SEMA3C: variants seen among roughly 807,000 people sequenced by gnomAD.
SEMA3C encodes the protein semaphorin 3C.
A neutral mutation model predicts 89.4 loss-of-function variants in SEMA3C; 47 were observed. That is an observed-to-expected ratio of 0.53 (90% CI 0.42 to 0.67). SEMA3C has a LOEUF of 0.67. SEMA3C is among the 30% of genes least tolerant of loss of function. SEMA3C has a pLI of 0.00. For missense variants in SEMA3C, 839 were observed against 929.1 expected (o/e 0.90, Z 1.26); for synonymous variants, 310 against 320.2 (o/e 0.97, Z 0.34).
chr7:80,792,264 T>C (rs965385489), intron 11 of SEMA3C, among the ~76,000 whole-genome samples: 1 of 152,160 alleles, frequency 6.6e-6, no homozygotes, highest in African/African-American at 2.4e-5. Flanking sequence ...GAATTATGGG[T>C]GTTTTCTAGC....
intron 2 of SEMA3C, among the ~76,000 whole-genome samples, chr7:80,902,180 T>C (rs1791897462): frequency 6.6e-6 from 1 of 152,202 alleles, no homozygotes; most frequent in Admixed American, 6.5e-5. Context: ...CTTGGACTCC[T>C]GGACTCAAGC....
intron 4 of SEMA3C, among the ~76,000 whole-genome samples, chr7:80,820,799 A>C (rs528438074): frequency 3.3e-5 from 5 of 152,314 alleles, no homozygotes; most frequent in African/African-American, 1.2e-4. Context: ...GTCTATGTAA[A>C]GGGAATCTAT....
chr7:80,826,354 T>G (rs1789873060), intron 4 of SEMA3C, among the ~76,000 whole-genome samples: 1 of 152,198 alleles, frequency 6.6e-6, no homozygotes, highest in South Asian at 2.1e-4. Context: ...AGGTGGTCTA[T>G]TACTTGTTAT....
intron 2 of SEMA3C, among the ~76,000 whole-genome samples, chr7:80,874,407 C>A (rs2116064655): frequency 6.6e-6 from 1 of 152,162 alleles, no homozygotes; most frequent in African/African-American, 2.4e-5. Flanking sequence ...AGGGTACGAC[C>A]TTTTCTATGT....
intron 11 of SEMA3C, 143 bp from the exon 12 acceptor site, chr7:80,789,671 A>C: frequency 1.6e-6 from 1 of 626,684 alleles, no homozygotes; most frequent in Admixed American, 3.0e-5. Context: ...AAAAGAAATA[A>C]CATGATTATG....
chr7:80,873,249 G>A (rs2116058933), intron 2 of SEMA3C, among the ~76,000 whole-genome samples: 1 of 152,336 alleles, frequency 6.6e-6, no homozygotes, highest in Non-Finnish European at 1.5e-5. Flanking sequence ...GAAAAGTGTG[G>A]TATAAACTGG....
In SEMA3C at chr7:80,789,364, T is replaced by G. The variant is rs1247332564; in HGVS notation, c.1296A>C (p.Ile432=). The G allele has an allele frequency of 6.2e-7, 1 of 1,614,078 alleles. No individual in the cohort carries two copies. The highest frequency in any genetic ancestry group is 8.5e-7 in the Non-Finnish European group (1 of 1,179,972). Residue 432 remains isoleucine, a synonymous_variant, in exon 12 of 18, where the codon ATA becomes ATC. Coordinates refer to ENST00000265361, the MANE Select transcript of SEMA3C (RefSeq NM_006379.5). ...RIGTDYKYTK[I]AVDRVNAADG... is the part of the protein sequence containing the mutation. ...CAGCAGCGTTCACTCGATCCACAGC[T>G]ATCTTTGTATACTTGTAGTCAGTGC...
intron 15 of SEMA3C, among the ~76,000 whole-genome samples, chr7:80,752,485 T>C (rs1276850538): frequency 6.6e-6 from 1 of 151,684 alleles, no homozygotes; most frequent in African/African-American, 2.4e-5. Flanking sequence ...TGGTGCATGG[T>C]AGCATGGTGG....
chr7:80,790,158 C>T (rs142911029), intron 11 of SEMA3C, among the ~76,000 whole-genome samples: 1,790 of 152,146 alleles, frequency 0.012, 36 homozygotes, highest in African/African-American at 0.04. Flanking sequence ...GCTGTGCATG[C>T]CTGCGATCCC....
chr7:80,823,556 C>T (rs759025384), intron 4 of SEMA3C, among the ~76,000 whole-genome samples: 1 of 152,092 alleles, frequency 6.6e-6, no homozygotes, highest in Admixed American at 6.6e-5. Context: ...ATACTTCATA[C>T]TTTCTTCTTC....
chr7:80,782,676 T>C (rs1788717060), intron 12 of SEMA3C, among the ~76,000 whole-genome samples: 1 of 152,164 alleles, frequency 6.6e-6, no homozygotes, highest in Non-Finnish European at 1.5e-5. Context: ...CAATGACAAA[T>C]AATAAATGCA....
rs762463329 is a variant in SEMA3C, at chr7:80,891,215, T to C, written c.103+25464A>G. ...GGTTAATTTACTGATTGTCCATAAGTGAAACAGAAGGAAACTCATCAGACA... is the reference window on the plus strand; with the variant it reads ...GGTTAATTTACTGATTGTCCATAAGCGAAACAGAAGGAAACTCATCAGACA... On this transcript the variant is annotated intron_variant, in intron 2 of 17. Transcript: ENST00000265361. Among the ~76,000 whole-genome samples the C allele has an allele frequency of 2.0e-5, 3 of 152,170 alleles. No individual in the cohort carries two copies. The East Asian group carries it at 5.8e-4, about 29-fold the overall frequency.
At chr7:80,758,818 C>T (rs1436387992) in intron 14 of SEMA3C, among the ~76,000 whole-genome samples, 3 of 152,106 alleles carry the variant, frequency 2.0e-5, no homozygotes, top group African/African-American at 4.8e-5. Context: ...TCTTTGAATG[C>T]TGTATCTTAG....
rs1787713188 is a variant in SEMA3C, at chr7:80,742,867, TGAA to T, written c.*2024_*2026del. 1 of 151,964 alleles carries T rather than the reference TGAA, an allele frequency of 6.6e-6. No homozygotes were observed. Among genetic ancestry groups the T allele is most frequent in the South Asian group, 2.1e-4 (1 of 4,834 alleles). The allele number at this position is 151,964 out of a possible 1,614,324, so 9.4% of individuals were successfully genotyped here. A position where few individuals can be genotyped will look rare whatever the true frequency, so the allele number is the denominator to read the frequency against. On this transcript the variant is annotated 3_prime_UTR_variant, in exon 18 of 18. Transcript: ENST00000265361. ...TTTACATTCAGCAGAGTTATGTTCATGAAGAATTTCTACATTTTTAAAAGTAAT... is the reference window on the plus strand; with the variant it reads ...TTTACATTCAGCAGAGTTATGTTCATGAATTTCTACATTTTTAAAAGTAAT...
At chr7:80,755,891 G>T (rs1480543820) in intron 15 of SEMA3C, among the ~76,000 whole-genome samples, 2 of 152,102 alleles carry the variant, frequency 1.3e-5, no homozygotes, top group African/African-American at 4.8e-5. Flanking sequence ...GAGTAATGAT[G>T]TCTAGAAATT....
chr7:80,862,225 A>C (rs2115995361), intron 2 of SEMA3C, among the ~76,000 whole-genome samples: 1 of 152,292 alleles, frequency 6.6e-6, no homozygotes, highest in Admixed American at 6.5e-5. Flanking sequence ...TAGAACTGAT[A>C]AAAGAATTCA....
chr7:80,800,771 A>G lies in SEMA3C; in HGVS notation c.972T>C (p.Ile324=). 6.5e-7 allele frequency: 1 copy of G among 1,529,708 alleles called. No individual in the cohort carries two copies. The highest frequency in any genetic ancestry group is 8.8e-7 in the Non-Finnish European group (1 of 1,138,200). 94.8% of individuals were successfully genotyped at this position (1,529,708 alleles called of 1,614,324 possible). Residue 324 remains isoleucine, a synonymous_variant, in exon 10 of 18, where the codon ATT becomes ATC. Coordinates refer to ENST00000265361, the MANE Select transcript of SEMA3C (RefSeq NM_006379.5). Reference sequence around the variant, plus strand: ...TGAATAATTACCTTGATGTTGTAAAAATGCCATACACTAGTGTTGTCCTCG... The same window carrying G: ...TGAATAATTACCTTGATGTTGTAAAGATGCCATACACTAGTGTTGTCCTCG... ...DNPRTTLVYG[I]FTTSSSVFKG... is the part of the protein sequence containing the mutation.
chr7:80,908,589 C>T (rs766530389), intron 2 of SEMA3C, among the ~76,000 whole-genome samples: 1 of 152,144 alleles, frequency 6.6e-6, no homozygotes, highest in African/African-American at 2.4e-5. Context: ...AATTTAGGTA[C>T]TTATCTTATT....
chr7:80,802,547 T>C (rs1789233505), intron 9 of SEMA3C, 118 bp downstream of exon 9: 1 of 610,738 alleles, frequency 1.6e-6, no homozygotes, highest in Middle Eastern at 3.1e-4. Context: ...TTATTTTAAA[T>C]TAGCATATTA....
Sources: allele counts gnomAD v4.1 joint callset (sites outside exome capture counted in the v4.1 genomes callset), GRCh38; gene constraint gnomAD v4.1.1; transcripts MANE v1.5; gene names NCBI Gene and HGNC (gene_info 2026-07-23, HGNC 2026-07-21).